The following KCNK9 variants were observed in gnomAD, a reference collection of about 807,000 sequenced individuals.
The protein encoded by KCNK9 is potassium two pore domain channel subfamily K member 9, also known as potassium channel subfamily K member 9.
KCNK9 carries 1 observed loss-of-function variant against 10.8 expected under a neutral mutation model. That is an observed-to-expected ratio of 0.09 (90% confidence interval 0.03 to 0.44). The LOEUF (loss-of-function observed/expected upper bound fraction) is 0.44. Among genes scored for constraint, KCNK9 ranks in the 20% least tolerant of loss-of-function variants. The pLI, the probability that KCNK9 is intolerant of heterozygous loss-of-function variation, is 0.97. For synonymous variants in KCNK9, 231 were observed against 222.7 expected, an observed-to-expected ratio of 1.04 and a Z score of -0.33; for missense variants, 303 against 515.0, an observed-to-expected ratio of 0.59 and a Z score of 3.98.
chr8:139,690,444 G>A (rs1245239304), intron 1 of KCNK9, among the ~76,000 whole-genome samples: 2 of 152,184 alleles, frequency 1.3e-5, no homozygotes, highest in African/African-American at 4.8e-5. Context: ...CTCTGGTCAG[G>A]AGAACTAAGA....
chr8:139,643,773 A>AC (rs1815583243), intron 1 of KCNK9, among the ~76,000 whole-genome samples: 1 of 151,910 alleles, frequency 6.6e-6, no homozygotes, highest in African/African-American at 2.4e-5. Flanking sequence ...CCTCCCCAGG[A>AC]CCCCTGGCCA....
chr8:139,608,634 C>T (rs1443225445), downstream of KCNK9, among the ~76,000 whole-genome samples: 8 of 81,264 alleles, frequency 9.8e-5, no homozygotes, highest in South Asian at 4.5e-4. Context: ...GGGGGCGGGG[C>T]GGGGTGGGGG....
chr8:139,620,381 A>G (rs1317197280), intron 1 of KCNK9, among the ~76,000 whole-genome samples: 1 of 151,854 alleles, frequency 6.6e-6, no homozygotes, highest in Non-Finnish European at 1.5e-5. Context: ...GTTTTTTCAA[A>G]CCCATGTGTC....
At chr8:139,672,755 C>A (rs1816461974) in intron 1 of KCNK9, among the ~76,000 whole-genome samples, 1 of 152,198 alleles carries the variant, frequency 6.6e-6, no homozygotes, top group Non-Finnish European at 1.5e-5. Context: ...GAGACAGGAG[C>A]CGCATGGGAA....
chr8:139,661,960 T>C (rs1816161630), intron 1 of KCNK9, among the ~76,000 whole-genome samples: 1 of 152,192 alleles, frequency 6.6e-6, no homozygotes, highest in Non-Finnish European at 1.5e-5. Context: ...CAGTCCACAG[T>C]GGATCCTCAA....
intron 1 of KCNK9, among the ~76,000 whole-genome samples, chr8:139,621,346 G>A (rs1021166283): frequency 3.3e-5 from 5 of 149,586 alleles, no homozygotes; most frequent in African/African-American, 1.2e-4. Flanking sequence ...ATAGATTCAA[G>A]AAATTCAGTG....
chr8:139,646,248 A>G (rs1200942498), intron 1 of KCNK9, among the ~76,000 whole-genome samples: 1 of 152,204 alleles, frequency 6.6e-6, no homozygotes. Flanking sequence ...AGCTCATGGA[A>G]CCACCTTCCT....
chr8:139,671,105 G>A (rs969984982), intron 1 of KCNK9, among the ~76,000 whole-genome samples: 12 of 152,256 alleles, frequency 7.9e-5, no homozygotes, highest in African/African-American at 2.9e-4. Context: ...TCAGTAACCA[G>A]AAGGAAGCGT....
intron 1 of KCNK9, among the ~76,000 whole-genome samples, chr8:139,670,306 T>C (rs1040325719): frequency 2.6e-5 from 4 of 152,198 alleles, no homozygotes; most frequent in African/African-American, 9.7e-5. Context: ...TTTGAAATAG[T>C]GTGAGCATTA....
At chr8:139,625,205 CG>C (rs577095439) in intron 1 of KCNK9, among the ~76,000 whole-genome samples, 113 of 152,294 alleles carry the variant, frequency 7.4e-4, no homozygotes, top group Non-Finnish European at 1.4e-3. Context: ...TAGCCAAGGA[CG>C]TCTGGGCCCA....
At chr8:139,678,221 G>A (rs1441944065) in intron 1 of KCNK9, among the ~76,000 whole-genome samples, 3 of 152,348 alleles carry the variant, frequency 2.0e-5, no homozygotes, top group South Asian at 2.1e-4. Context: ...TCTGCCCAAG[G>A]TGCAGGCTGC....
chr8:139,630,813 C>T (rs1345589729), intron 1 of KCNK9, among the ~76,000 whole-genome samples: 1 of 152,250 alleles, frequency 6.6e-6, no homozygotes, highest in African/African-American at 2.4e-5. Flanking sequence ...ACACCCCCTT[C>T]TCAGTCCCCC....
At position 139,618,536 on chromosome 8, in the gene KCNK9, G is replaced by T. The variant is rs778151288; in HGVS notation, c.847C>A (p.Arg283=). ...GGGACGTCCGCCTTGTACCTGGGCC[G>T]GCTGGGCCGCGGCTCCTCAGGGATG... ...IHIPEEPRPS[R]PRYKADVPDL... The change falls in exon 2 of 2, where the codon CGG becomes AGG. Residue 283 remains arginine (R), a synonymous_variant. Coordinates refer to ENST00000520439, the MANE Select transcript of KCNK9 (RefSeq NM_001282534.2). This position sits in a 1 kb window ranked among gnomAD's most constrained non-coding sequence, Gnocchi z 7.9. 20 of 1,613,590 alleles carry T rather than the reference G, an allele frequency of 1.2e-5. No homozygotes were observed. Among genetic ancestry groups the T allele is most frequent in the Non-Finnish European group, 1.7e-5 (20 of 1,179,912 alleles).
downstream of KCNK9, among the ~76,000 whole-genome samples, chr8:139,609,726 G>T (rs1309400265): frequency 6.6e-6 from 1 of 152,180 alleles, no homozygotes; most frequent in Non-Finnish European, 1.5e-5. Flanking sequence ...GTTAATTAAG[G>T]ATCCATATGT....
At chr8:139,626,140 G>A (rs1165036461) in intron 1 of KCNK9, among the ~76,000 whole-genome samples, 1 of 152,120 alleles carries the variant, frequency 6.6e-6, no homozygotes, top group African/African-American at 2.4e-5. Context: ...GGGCAGCCTG[G>A]GCCAGGTGGA....
At position 139,618,531 on chromosome 8, in the gene KCNK9, G is replaced by C. The variant is rs1354280936; in HGVS notation, c.852C>G (p.Pro284=). ...HIPEEPRPSR[P]RYKADVPDLQ... ...GGTCCGGGACGTCCGCCTTGTACCT[G>C]GGCCGGCTGGGCCGCGGCTCCTCAG... Residue 284 remains proline (P), a synonymous_variant, in exon 2 of 2, where the codon CCC becomes CCG. Transcript: ENST00000520439. This position sits in a 1 kb window ranked among gnomAD's most constrained non-coding sequence, Gnocchi z 7.9. 5.6e-6 allele frequency: 9 copies of C among 1,613,514 alleles called. No homozygotes were observed. In the South Asian group the frequency reaches 8.8e-5, roughly 16 times the overall value.
chr8:139,608,828 G>T (rs1342975009), downstream of KCNK9, among the ~76,000 whole-genome samples: 2 of 152,202 alleles, frequency 1.3e-5, no homozygotes, highest in Non-Finnish European at 2.9e-5. Context: ...ACAATCAAAG[G>T]CTTCATCTGA....
chr8:139,671,826 G>A (rs1228510800), intron 1 of KCNK9, among the ~76,000 whole-genome samples: 1 of 152,152 alleles, frequency 6.6e-6, no homozygotes, highest in East Asian at 1.9e-4. Context: ...CTCCCAAAGT[G>A]CTGGGATTAC....
intron 1 of KCNK9, among the ~76,000 whole-genome samples, chr8:139,677,350 T>C (rs1816572247): frequency 6.6e-6 from 1 of 152,064 alleles, no homozygotes; most frequent in Non-Finnish European, 1.5e-5. Context: ...GGACTTCTGT[T>C]TGGGCTCATC....
Sources: allele counts gnomAD v4.1 joint callset (sites outside exome capture counted in the v4.1 genomes callset), GRCh38; gene constraint gnomAD v4.1.1; non-coding constraint Gnocchi (gnomAD v3.1); transcripts MANE v1.5; gene names NCBI Gene and HGNC (gene_info 2026-07-23, HGNC 2026-07-21).